SLC14A2: variants seen among roughly 807,000 people sequenced by gnomAD.
SLC14A2 encodes urea transporter 2.
A neutral mutation model predicts 104.6 loss-of-function variants in SLC14A2; 91 were observed. The observed-to-expected ratio is 0.87, with a 90% CI of 0.73 to 1.04. The LOEUF (loss-of-function observed/expected upper bound fraction) is 1.04, where lower values mean the gene tolerates loss of function less well. Among genes scored for constraint, SLC14A2 ranks in the 50% least tolerant of loss-of-function variants. The pLI is 0.00. For missense variants in SLC14A2, 1,189 were observed against 1,156.0 expected (o/e 1.03, Z -0.41); for synonymous variants, 476 against 466.4 (o/e 1.02, Z -0.27).
chr18:45,351,245 C>A (rs2085500534), intron 1 of SLC14A2, among the ~76,000 whole-genome samples: 1 of 152,196 alleles, frequency 6.6e-6, no homozygotes, highest in South Asian at 2.1e-4. Flanking sequence ...ATCAGTTTAA[C>A]TTTATCACCA....
At chr18:45,191,848 G>A in the SLC14A2 span, among the ~76,000 whole-genome samples, 2 of 152,184 alleles carry the variant, frequency 1.3e-5, no homozygotes, top group South Asian at 2.1e-4. Context: ...AGTAGATCTG[G>A]AAACCATATC....
intron 17 of SLC14A2, 29 bp downstream of exon 17, chr18:45,673,076 A>AGG: frequency 6.2e-7 from 1 of 1,608,698 alleles, no homozygotes; most frequent in East Asian, 2.2e-5. Context: ...CTGGGCTGTG[A>AGG]GGGGGTTAGA....
At chr18:45,192,526 C>G in the SLC14A2 span, among the ~76,000 whole-genome samples, 5 of 152,080 alleles carry the variant, frequency 3.3e-5, 1 homozygote, top group South Asian at 4.1e-4. Context: ...ATTTTATATC[C>G]CCACAGCAGT....
chr18:45,168,344 A>G, the SLC14A2 span, among the ~76,000 whole-genome samples: 18 of 152,210 alleles, frequency 1.2e-4, no homozygotes, highest in Admixed American at 4.6e-4. Flanking sequence ...GGTGAATACC[A>G]TGTGGGCTTT....
chr18:45,201,343 C>T, the SLC14A2 span, among the ~76,000 whole-genome samples: 1 of 152,126 alleles, frequency 6.6e-6, no homozygotes, highest in Non-Finnish European at 1.5e-5. Flanking sequence ...TGAGTATCCA[C>T]ATCAATTATT....
At chr18:45,175,367 CATAAT>C in the SLC14A2 span, among the ~76,000 whole-genome samples, 13,715 of 151,886 alleles carry the variant, frequency 0.09, 636 homozygotes, top group East Asian at 0.13. Flanking sequence ...AAAAAAGTGT[CATAAT>C]ATACTATATT....
At chr18:45,377,897 A>T (rs919740580) in intron 1 of SLC14A2, among the ~76,000 whole-genome samples, 1 of 152,038 alleles carries the variant, frequency 6.6e-6, no homozygotes, top group Non-Finnish European at 1.5e-5. Flanking sequence ...ACAGCTACCT[A>T]CCAGCCACCC....
Position 45,526,357 on chromosome 18 carries a change from T to A in SLC14A2, c.-35+43035T>A, listed in dbSNP as rs139315145. Reference sequence around the variant, plus strand: ...GAGGCTGCAGCAAAATGTTCATTCCTAATTCTGGTGCCTGAGAGGCAGGCT... The same window carrying A: ...GAGGCTGCAGCAAAATGTTCATTCCAAATTCTGGTGCCTGAGAGGCAGGCT... On this transcript the variant is annotated intron_variant, in intron 2 of 20. Coordinates refer to the SLC14A2 transcript ENST00000586448. Among the ~76,000 whole-genome samples the A allele has an allele frequency of 7.5e-3, 1,136 of 152,342 alleles. 19 individuals are homozygous for A. Among genetic ancestry groups the A allele is most frequent in the South Asian group, 0.062 (301 of 4,830 alleles).
intron 1 of SLC14A2, among the ~76,000 whole-genome samples, chr18:45,428,020 A>G (rs1191964662): frequency 6.6e-6 from 1 of 152,226 alleles, no homozygotes; most frequent in African/African-American, 2.4e-5. Flanking sequence ...TCCAAGTAAG[A>G]AAGAGTTCAC....
the SLC14A2 span, among the ~76,000 whole-genome samples, chr18:45,192,614 T>TTGTGTGTGTG: frequency 1.4e-5 from 2 of 146,514 alleles, no homozygotes; most frequent in African/African-American, 5.0e-5. Context: ...GGTAGTGGTT[T>TTGTGTGTGTG]TGTGTGTGTG....
intron 2 of SLC14A2, among the ~76,000 whole-genome samples, chr18:45,593,120 A>C (rs925209554): frequency 4.6e-5 from 7 of 152,136 alleles, no homozygotes; most frequent in African/African-American, 1.7e-4. Flanking sequence ...GATCGAGACC[A>C]TCCTGGCTAA....
At chr18:45,377,635 C>A (rs2144370621) in intron 1 of SLC14A2, among the ~76,000 whole-genome samples, 1 of 152,228 alleles carries the variant, frequency 6.6e-6, no homozygotes, top group Non-Finnish European at 1.5e-5. Flanking sequence ...AGATTCATCC[C>A]CTTCTTTCCA....
At chr18:45,179,778 A>G in the SLC14A2 span, 1 of 152,064 alleles carries the variant, frequency 6.6e-6, no homozygotes, top group Non-Finnish European at 1.5e-5. Flanking sequence ...TTTTGAAAAA[A>G]AAAATTGACA....
At chr18:45,232,756 C>G (rs981140674) in intron 1 of SLC14A2, among the ~76,000 whole-genome samples, 1 of 152,162 alleles carries the variant, frequency 6.6e-6, no homozygotes, top group Non-Finnish European at 1.5e-5. Flanking sequence ...TTAAGAGCTC[C>G]TCCTGTGTAG....
chr18:45,380,178 G>T (rs112992206), intron 1 of SLC14A2, among the ~76,000 whole-genome samples: 29 of 152,226 alleles, frequency 1.9e-4, no homozygotes, highest in African/African-American at 7.0e-4. Context: ...TCAGTGGTTT[G>T]GTGTCCTGGA....
At chr18:45,475,563 G>C (rs1474353372) in intron 1 of SLC14A2, among the ~76,000 whole-genome samples, 3 of 136,238 alleles carry the variant, frequency 2.2e-5, no homozygotes, top group African/African-American at 8.5e-5. Context: ...CATATATTTA[G>C]GATATATATT....
intron 1 of SLC14A2, among the ~76,000 whole-genome samples, chr18:45,285,793 G>A (rs936259765): frequency 1.8e-4 from 26 of 143,976 alleles, no homozygotes; most frequent in Non-Finnish European, 3.1e-4. Context: ...ATGTCTCAGG[G>A]CGAGGCCTGT....
At chr18:45,538,977 A>G (rs2043843367) in intron 2 of SLC14A2, among the ~76,000 whole-genome samples, 1 of 150,516 alleles carries the variant, frequency 6.6e-6, no homozygotes, top group Non-Finnish European at 1.5e-5. Context: ...TGCTGATCAC[A>G]TACTATATGG....
rs2085174909 is a variant in SLC14A2 at position 45,320,551 on chromosome 18, C to T, written c.-125+107360C>T. 2.0e-5 allele frequency among the ~76,000 whole-genome samples: 3 copies of T among 152,226 alleles called. No individual in the cohort carries two copies. In the South Asian group the frequency reaches 6.2e-4, roughly 32 times the overall value. The stretch of plus-strand genomic sequence containing the variant: ...TGTAAATCGCAGACTGGGGCTGACA[C>T]CTTGCAGTGCATTGCACTGACCTTG... On this transcript the variant is annotated intron_variant, in intron 1 of 20. Coordinates refer to the SLC14A2 transcript ENST00000586448.
Sources: gnomAD v4.1 joint callset for allele counts (sites outside exome capture counted in the v4.1 genomes callset) on GRCh38, gnomAD v4.1.1 for gene constraint, MANE v1.5 for transcripts, NCBI Gene and HGNC (gene_info 2026-07-23, HGNC 2026-07-21) for gene names.